EFHD1: variants seen among roughly 807,000 people sequenced by gnomAD.
The protein encoded by EFHD1 is EF-hand domain-containing protein D1.
EFHD1 carries 10 observed loss-of-function variants against 17.2 expected under a neutral mutation model. That is an observed-to-expected ratio of 0.58 (90% CI 0.36 to 0.99). The LOEUF is 0.99. EFHD1 is among the 50% of genes least tolerant of loss of function. The pLI is 0.01. For missense variants in EFHD1, 310 were observed against 327.5 expected (o/e 0.95, Z 0.41); for synonymous variants, 153 against 142.0 (o/e 1.08, Z -0.55).
At chr2:232,615,781 G>A (rs959750206) in intron 1 of EFHD1, among the ~76,000 whole-genome samples, 6 of 146,616 alleles carry the variant, frequency 4.1e-5, no homozygotes, top group Non-Finnish European at 8.9e-5. Flanking sequence ...TCCACCTCTC[G>A]GGCTCAAGTG....
At chr2:232,671,620 G>A (rs986306140) in intron 2 of EFHD1, among the ~76,000 whole-genome samples, 1 of 151,904 alleles carries the variant, frequency 6.6e-6, no homozygotes, top group South Asian at 2.1e-4. Context: ...CCAGCTACTC[G>A]AGAGGCTGAG....
At chr2:232,647,132 C>T (rs1043997787) in intron 1 of EFHD1, among the ~76,000 whole-genome samples, 4 of 152,282 alleles carry the variant, frequency 2.6e-5, no homozygotes, top group Non-Finnish European at 5.9e-5. Context: ...GACCTCATGA[C>T]CACTCGGTGT....
chr2:232,648,749 A>C (rs527761022), intron 1 of EFHD1, among the ~76,000 whole-genome samples: 9 of 151,978 alleles, frequency 5.9e-5, no homozygotes, highest in Non-Finnish European at 1.3e-4. Context: ...AGAACTTGAG[A>C]CTGCATTTGT....
chr2:232,648,279 T>C (rs1423506178), intron 1 of EFHD1, among the ~76,000 whole-genome samples: 1 of 151,408 alleles, frequency 6.6e-6, no homozygotes. Context: ...TGGCTATGAG[T>C]GGTTTGATTG....
intron 3 of EFHD1, 84 bp downstream of exon 3, chr2:232,672,527 A>C: frequency 1.4e-5 from 21 of 1,505,732 alleles, no homozygotes; most frequent in Non-Finnish European, 1.7e-5. Flanking sequence ...TTTTCATCTC[A>C]GCAGAGCACA....
chr2:232,606,070 G>C, exon 1 of EFHD1: 1 of 1,432,794 alleles, frequency 7.0e-7, no homozygotes, highest in South Asian at 1.2e-5. Context: ...AAGTGCAGGC[G>C]GATACCCCGG....
At chr2:232,639,108 G>A (rs1474969810) in intron 1 of EFHD1, among the ~76,000 whole-genome samples, 2 of 152,104 alleles carry the variant, frequency 1.3e-5, no homozygotes, top group Non-Finnish European at 2.9e-5. Flanking sequence ...ATCTTTGTAG[G>A]GAGTTCCCTC....
At chr2:232,629,408 G>A (rs1574706613), upstream of EFHD1, among the ~76,000 whole-genome samples, 1 of 152,162 alleles carries the variant, frequency 6.6e-6, no homozygotes, top group East Asian at 1.9e-4. Context: ...TAAACAAGAA[G>A]TTTCATTTTC....
At chr2:232,656,985 G>T (rs1246121543) in intron 1 of EFHD1, among the ~76,000 whole-genome samples, 1 of 152,078 alleles carries the variant, frequency 6.6e-6, no homozygotes, top group East Asian at 1.9e-4. Context: ...TTGTTTTGTT[G>T]CCCAGGCTGG....
intron 1 of EFHD1, among the ~76,000 whole-genome samples, chr2:232,620,142 A>G (rs1296485285): frequency 6.7e-6 from 1 of 148,936 alleles, no homozygotes; most frequent in Non-Finnish European, 1.5e-5. Flanking sequence ...TAATCCTAGC[A>G]CTTCGGGAGG....
chr2:232,654,224 A>G lies in EFHD1; in HGVS notation c.303-8578A>G, dbSNP rs560012490. On this transcript the variant is annotated intron_variant, in intron 1 of 3. Coordinates refer to ENST00000264059, the MANE Select transcript of EFHD1 (RefSeq NM_025202.4). ...TCCATCTCAAAAAAAAAAAAAAAAG[A>G]AAAGAAAGAAGTTGGAATTCCTTCA... Among the ~76,000 whole-genome samples, 701 of 149,870 alleles carry G rather than the reference A, an allele frequency of 4.7e-3. 4 individuals carry two copies. The highest frequency in any genetic ancestry group is 0.016 in the African/African-American group (648 of 40,954).
At chr2:232,666,212 C>A (rs1457335799) in intron 2 of EFHD1, among the ~76,000 whole-genome samples, 3 of 152,226 alleles carry the variant, frequency 2.0e-5, no homozygotes, top group Non-Finnish European at 4.4e-5. Context: ...ATGATCTCAT[C>A]CAGCTTTGCA....
chr2:232,623,534 T>C (rs62191632), intron 1 of EFHD1, among the ~76,000 whole-genome samples: 35,158 of 150,200 alleles, frequency 0.23, 4,545 homozygotes, highest in East Asian at 0.58. Flanking sequence ...ATTAGCCAGG[T>C]GTGGTGGCAG....
intron 1 of EFHD1, among the ~76,000 whole-genome samples, chr2:232,654,987 T>A (rs1694733719): frequency 6.6e-6 from 1 of 152,156 alleles, no homozygotes; most frequent in Non-Finnish European, 1.5e-5. Flanking sequence ...GCTTTTCAGT[T>A]CCTCCCTTAC....
chr2:232,607,446 A>AGT (rs1553592885), intron 1 of EFHD1, among the ~76,000 whole-genome samples: 7 of 148,460 alleles, frequency 4.7e-5, no homozygotes, highest in African/African-American at 1.0e-4. Flanking sequence ...AAAAAAAAAA[A>AGT]AGCCTGGCGT....
Position 232,672,571 on chromosome 2 carries a change from G to A in EFHD1, c.585+128G>A, listed in dbSNP as rs1574734591. On this transcript the variant is annotated intron_variant, in intron 3 of 3. Transcript: ENST00000264059. ...AACAGACCAGGAGGGTCCTCCCAGT[G>A]CTCTGCCAACCAGCAAGTGGGTGCC... 17 of 1,348,202 alleles carry A rather than the reference G, an allele frequency of 1.3e-5. No individual in the cohort carries two copies. The East Asian group carries it at 3.6e-4, about 28-fold the overall frequency. The allele number at this position is 1,348,202 out of a possible 1,614,324, so 83.5% of individuals were successfully genotyped here. A position where few individuals can be genotyped will look rare whatever the true frequency, so the allele number is the denominator to read the frequency against.
chr2:232,643,941 A>T (rs1457615631), intron 1 of EFHD1, among the ~76,000 whole-genome samples: 1 of 152,206 alleles, frequency 6.6e-6, no homozygotes, highest in African/African-American at 2.4e-5. Context: ...GGGGCTCCTG[A>T]AGGCCAAATG....
At chr2:232,650,637 T>G (rs1048153742) in intron 1 of EFHD1, among the ~76,000 whole-genome samples, 2 of 148,688 alleles carry the variant, frequency 1.3e-5, no homozygotes, top group Non-Finnish European at 3.0e-5. Flanking sequence ...GGTGCGATCT[T>G]GGCTCATTGC....
chr2:232,672,894 T>A (rs943468298), intron 3 of EFHD1, among the ~76,000 whole-genome samples: 1 of 152,070 alleles, frequency 6.6e-6, no homozygotes, highest in Non-Finnish European at 1.5e-5. Context: ...GACTCTAAAT[T>A]CTTACTTCTC....
Sources: gnomAD v4.1 joint callset for allele counts (sites outside exome capture counted in the v4.1 genomes callset) on GRCh38, gnomAD v4.1.1 for gene constraint, MANE v1.5 for transcripts, NCBI Gene and HGNC (gene_info 2026-07-23, HGNC 2026-07-21) for gene names.